Variants in LDB2 observed in about 807,000 individuals in gnomAD.
LDB2 encodes the protein LIM domain binding 2.
A neutral mutation model predicts 44.3 loss-of-function variants in LDB2; 12 were observed. That is an observed-to-expected ratio of 0.27 (90% CI 0.17 to 0.44). The LOEUF is 0.44. Ranked by LOEUF, LDB2 falls within the 20% of genes least tolerant of loss-of-function variation. The pLI is 1.00. For missense variants in LDB2, 344 were observed against 473.5 expected (o/e 0.73, Z 2.54); for synonymous variants, 164 against 174.8 (o/e 0.94, Z 0.49).
intron 1 of LDB2, among the ~76,000 whole-genome samples, chr4:16,805,905 C>G (rs1327683141): frequency 6.6e-6 from 1 of 152,148 alleles, no homozygotes; most frequent in African/African-American, 2.4e-5. Context: ...TCTCAGGCAC[C>G]CTCTCTTCTC....
At chr4:16,553,347 A>AGAT (rs1392696989) in intron 5 of LDB2, among the ~76,000 whole-genome samples, 4 of 151,924 alleles carry the variant, frequency 2.6e-5, no homozygotes, top group African/African-American at 4.8e-5. Flanking sequence ...TTGTAGAGAT[A>AGAT]GATAGGATCT....
intron 1 of LDB2, among the ~76,000 whole-genome samples, chr4:16,892,230 T>C (rs1227045557): frequency 6.6e-6 from 1 of 152,176 alleles, no homozygotes; most frequent in African/African-American, 2.4e-5. Flanking sequence ...TTTGTATGTC[T>C]CCCCTCTTTA....
At chr4:16,739,353 G>A (rs564468248) in intron 2 of LDB2, among the ~76,000 whole-genome samples, 12 of 151,060 alleles carry the variant, frequency 7.9e-5, no homozygotes, top group Admixed American at 4.6e-4. Flanking sequence ...TTGGGAGGCC[G>A]AGGCAGGCAG....
intron 1 of LDB2, among the ~76,000 whole-genome samples, chr4:16,781,469 G>A (rs1174619745): frequency 2.6e-5 from 4 of 152,102 alleles, no homozygotes; most frequent in African/African-American, 4.8e-5. Context: ...CAGAAGGCAC[G>A]AACAGTGAGG....
intron 2 of LDB2, among the ~76,000 whole-genome samples, chr4:16,657,990 CA>C (rs1232071592): frequency 6.6e-6 from 1 of 152,138 alleles, no homozygotes; most frequent in Non-Finnish European, 1.5e-5. Flanking sequence ...AATTTATCTA[CA>C]AATAAGTCAC....
At chr4:16,651,464 TC>T (rs954714281) in intron 2 of LDB2, among the ~76,000 whole-genome samples, 3 of 152,182 alleles carry the variant, frequency 2.0e-5, no homozygotes, top group Admixed American at 2.0e-4. Flanking sequence ...CAGTCAATGT[TC>T]CCCTTGCAAG....
At chr4:16,742,074 C>CTTTTTTTTTTTTTTTTTTTTT (rs33990510) in intron 2 of LDB2, among the ~76,000 whole-genome samples, 3 of 128,308 alleles carry the variant, frequency 2.3e-5, no homozygotes, top group Admixed American at 8.1e-5. Context: ...CTTTTCTTTT[C>CTTTTTTTTTTTTTTTTTTTTT]TTTTTTTTTT....
intron 5 of LDB2, among the ~76,000 whole-genome samples, chr4:16,573,566 T>C (rs1046281846): frequency 6.6e-6 from 1 of 152,142 alleles, no homozygotes; most frequent in Non-Finnish European, 1.5e-5. Flanking sequence ...CCAGACAGTT[T>C]AAAAGCCAGC....
intron 1 of LDB2, among the ~76,000 whole-genome samples, chr4:16,863,970 T>C (rs887032775): frequency 1.3e-5 from 2 of 152,094 alleles, no homozygotes; most frequent in African/African-American, 4.8e-5. Flanking sequence ...CATTCTCTTC[T>C]TGCTTGTTGC....
At chr4:16,530,939 T>C (rs1729926905) in intron 5 of LDB2, among the ~76,000 whole-genome samples, 1 of 152,232 alleles carries the variant, frequency 6.6e-6, no homozygotes, top group South Asian at 2.1e-4. Context: ...TCACCATTCA[T>C]AAATGATCTC....
intron 1 of LDB2, among the ~76,000 whole-genome samples, chr4:16,837,524 T>C (rs2110086351): frequency 6.6e-6 from 1 of 152,322 alleles, no homozygotes; most frequent in South Asian, 2.1e-4. Flanking sequence ...TATTGAATGT[T>C]AGAAAACAGG....
intron 1 of LDB2, among the ~76,000 whole-genome samples, chr4:16,813,024 G>A (rs965637996): frequency 2.0e-5 from 3 of 151,764 alleles, no homozygotes; most frequent in Non-Finnish European, 4.4e-5. Flanking sequence ...TTGAGACAGG[G>A]TCTTGCTCTG....
chr4:16,606,336 T>C (rs1723925977), intron 2 of LDB2, among the ~76,000 whole-genome samples: 1 of 152,230 alleles, frequency 6.6e-6, no homozygotes, highest in African/African-American at 2.4e-5. Context: ...GAGATTGTTT[T>C]ACATTCTTTT....
At chr4:16,755,759 G>T (rs1167698806) in intron 2 of LDB2, among the ~76,000 whole-genome samples, 2 of 152,250 alleles carry the variant, frequency 1.3e-5, no homozygotes, top group Non-Finnish European at 2.9e-5. Flanking sequence ...CTTACCCAAA[G>T]GATAGAACTT....
At chr4:16,837,866 G>A (rs1214793486) in intron 1 of LDB2, among the ~76,000 whole-genome samples, 1 of 152,210 alleles carries the variant, frequency 6.6e-6, no homozygotes, top group African/African-American at 2.4e-5. Flanking sequence ...GTATCATTTA[G>A]GTTTGAACTT....
At chr4:16,840,510 G>T (rs1266838303) in intron 1 of LDB2, among the ~76,000 whole-genome samples, 1 of 152,180 alleles carries the variant, frequency 6.6e-6, no homozygotes, top group Non-Finnish European at 1.5e-5. Context: ...GTGAAAGAGG[G>T]AAGGCCATAT....
chr4:16,674,649 C>T (rs1386706985), intron 2 of LDB2, among the ~76,000 whole-genome samples: 1 of 152,200 alleles, frequency 6.6e-6, no homozygotes, highest in Non-Finnish European at 1.5e-5. Flanking sequence ...ACTGGTCCGT[C>T]TGCTCCCCAA....
At chr4:16,557,573 G>C (rs1740208860) in intron 5 of LDB2, among the ~76,000 whole-genome samples, 1 of 152,222 alleles carries the variant, frequency 6.6e-6, no homozygotes, top group Admixed American at 6.5e-5. Flanking sequence ...CTCAAACTGG[G>C]TGGAGCCCAC....
intron 7 of LDB2, among the ~76,000 whole-genome samples, 185 bp downstream of exon 7, chr4:16,508,350 G>A (rs1292918198): frequency 1.3e-5 from 2 of 152,120 alleles, no homozygotes; most frequent in African/African-American, 4.8e-5. Flanking sequence ...GTTTGCAGGG[G>A]AAGGTTTCCA....
Sources: allele counts gnomAD v4.1 joint callset (sites outside exome capture counted in the v4.1 genomes callset), GRCh38; gene constraint gnomAD v4.1.1; transcripts MANE v1.5; gene names NCBI Gene and HGNC (gene_info 2026-07-23, HGNC 2026-07-21).